HSPA4L: variants seen among roughly 807,000 people sequenced by gnomAD.
The protein encoded by HSPA4L is heat shock protein family A (Hsp70) member 4 like, also known as heat shock 70 kDa protein 4L.
A neutral mutation model predicts 100.3 loss-of-function variants in HSPA4L; 48 were observed. The ratio of observed to expected loss-of-function variants is 0.48; its 90% CI spans 0.38 to 0.61. The LOEUF (loss-of-function observed/expected upper bound fraction) is 0.61. HSPA4L is among the 20% of genes least tolerant of loss of function. The probability of loss-of-function intolerance (pLI) is 0.00; values close to 1 mark genes in which losing one functional copy is unlikely to be tolerated. For synonymous variants in HSPA4L, 319 were observed against 328.2 expected (o/e 0.97, Z 0.30); for missense variants, 886 against 988.6 (o/e 0.90, Z 1.39).
rs1197436415 is a variant in HSPA4L, at chr4:127,837,769, A to G, written c.*4895A>G. On this transcript the variant is annotated 3_prime_UTR_variant, in exon 19 of 19. Transcript: ENST00000296464. ...AAGAAACTTTAGCTGTTTAACTATCACCTCTCTAATTTAAAATGCATGAAA... is the reference window on the plus strand; with the variant it reads ...AAGAAACTTTAGCTGTTTAACTATCGCCTCTCTAATTTAAAATGCATGAAA... The G allele has an allele frequency of 6.6e-6, 1 of 151,592 alleles. No homozygotes were observed. The highest frequency in any genetic ancestry group is 2.4e-5 in the African/African-American group (1 of 41,240). The allele number at this position is 151,592 out of a possible 1,614,324, so 9.4% of individuals were successfully genotyped here. A position where few individuals can be genotyped will look rare whatever the true frequency, so the allele number is the denominator to read the frequency against.
intron 15 of HSPA4L, among the ~76,000 whole-genome samples, 160 bp downstream of exon 15, chr4:127,823,054 G>A (rs1402624872): frequency 1.3e-5 from 2 of 152,158 alleles, no homozygotes; most frequent in Non-Finnish European, 2.9e-5. Flanking sequence ...CAGAAGTATG[G>A]TGAAAAACAT....
At position 127,825,977 on chromosome 4, in the gene HSPA4L, C is replaced by T. The variant is rs567404358; in HGVS notation, c.2047-1328C>T. 4.0e-3 allele frequency among the ~76,000 whole-genome samples: 613 copies of T among 151,476 alleles called. 2 individuals carry two copies. Among genetic ancestry groups the T allele is most frequent in the South Asian group, 0.013 (64 of 4,784 alleles). ...GAAACATAAGCCAAGCAGCTGAGGC[C>T]AGTAGAAATAACTGGAAATCCCAGC... is the stretch of plus-strand genomic sequence containing the variant. On this transcript the variant is annotated intron_variant, in intron 16 of 18. Transcript: ENST00000296464.
chr4:127,831,581 A>G (rs1019155008), intron 18 of HSPA4L, among the ~76,000 whole-genome samples: 17 of 151,890 alleles, frequency 1.1e-4, no homozygotes, highest in Admixed American at 1.1e-3. Context: ...ATGCATCCAT[A>G]CAACACTATG....
At chr4:127,815,453 G>C (rs1007827492) in intron 12 of HSPA4L, among the ~76,000 whole-genome samples, 2 of 151,660 alleles carry the variant, frequency 1.3e-5, no homozygotes, top group South Asian at 4.2e-4. Flanking sequence ...CAGGACGCTG[G>C]GGCTGGAGTT....
At chr4:127,831,414 T>A (rs1454388217) in intron 18 of HSPA4L, among the ~76,000 whole-genome samples, 1 of 147,388 alleles carries the variant, frequency 6.8e-6, no homozygotes, top group East Asian at 2.0e-4. Flanking sequence ...GGCAGGAGGC[T>A]CCCTTGAGCC....
chr4:127,813,847 T>C (rs1733606029), intron 12 of HSPA4L, among the ~76,000 whole-genome samples: 1 of 152,188 alleles, frequency 6.6e-6, no homozygotes, highest in Non-Finnish European at 1.5e-5. Context: ...GGTTTCACTG[T>C]GTTAGCCGGG....
chr4:127,819,761 A>C (rs1173064469), intron 13 of HSPA4L, among the ~76,000 whole-genome samples: 1 of 152,200 alleles, frequency 6.6e-6, no homozygotes, highest in Non-Finnish European at 1.5e-5. Flanking sequence ...TTCACCAAAC[A>C]TAATGTTTTC....
chr4:127,831,501 T>TTAAA (rs1351311274), intron 18 of HSPA4L, among the ~76,000 whole-genome samples: 2 of 103,426 alleles, frequency 1.9e-5, no homozygotes, highest in East Asian at 2.6e-4. Context: ...CCTTGTCTAT[T>TTAAA]AAAAAAAAAA....
intron 16 of HSPA4L, among the ~76,000 whole-genome samples, chr4:127,826,964 A>G (rs1298916702): frequency 1.3e-5 from 2 of 152,178 alleles, no homozygotes; most frequent in African/African-American, 4.8e-5. Flanking sequence ...CAAATCTACA[A>G]ATTCTGCATG....
At chr4:127,825,014 C>A (rs1395708728) in intron 16 of HSPA4L, among the ~76,000 whole-genome samples, 1 of 151,902 alleles carries the variant, frequency 6.6e-6, no homozygotes, top group African/African-American at 2.4e-5. Flanking sequence ...GTGGCGGGCA[C>A]CTGTAGTCCC....
intron 12 of HSPA4L, among the ~76,000 whole-genome samples, chr4:127,814,788 A>T (rs1157469772): frequency 6.6e-6 from 1 of 152,052 alleles, no homozygotes; most frequent in African/African-American, 2.4e-5. Context: ...GCTGGTCTCA[A>T]ACTCCTGACC....
intron 11 of HSPA4L, among the ~76,000 whole-genome samples, 158 bp from the exon 12 acceptor site, chr4:127,811,279 G>A (rs1261654679): frequency 6.6e-6 from 1 of 151,630 alleles, no homozygotes. Context: ...GATAATCTGG[G>A]GGAAGTACCT....
At chr4:127,830,507 G>A (rs1734051272) in intron 17 of HSPA4L, 131 bp from the exon 18 acceptor site, 4 of 574,070 alleles carry the variant, frequency 7.0e-6, no homozygotes, top group Non-Finnish European at 1.2e-5. Flanking sequence ...ATTCGTATGG[G>A]GTTTCTTCAG....
intron 16 of HSPA4L, among the ~76,000 whole-genome samples, chr4:127,824,263 G>T (rs1560669883): frequency 6.6e-6 from 1 of 152,132 alleles, no homozygotes; most frequent in Non-Finnish European, 1.5e-5. Flanking sequence ...CTTAGATTGA[G>T]TCTCTATTTT....
Position 127,833,358 on chromosome 4 carries a change from A to T in HSPA4L, c.*484A>T, listed in dbSNP as rs1349961002. On this transcript the variant is annotated 3_prime_UTR_variant, in exon 19 of 19. Transcript: ENST00000296464. ...CTACAATTTAAATATTAAAACAAAT[A>T]AGAGCTTTCTCAACAAATTAGTCCA... 1 of 152,700 alleles carries T rather than the reference A, an allele frequency of 6.5e-6. No homozygotes were observed. Among genetic ancestry groups the T allele is most frequent in the Non-Finnish European group, 1.5e-5 (1 of 68,078 alleles). 9.5% of individuals were successfully genotyped at this position (152,700 alleles called of 1,614,324 possible).
intron 12 of HSPA4L, among the ~76,000 whole-genome samples, chr4:127,814,264 G>A (rs956594618): frequency 6.6e-6 from 1 of 152,088 alleles, no homozygotes; most frequent in African/African-American, 2.4e-5. Flanking sequence ...GGCAGTTGAG[G>A]TTCCCATACA....
At chr4:127,798,844 T>TA (rs1228300894) in intron 4 of HSPA4L, 135 bp downstream of exon 4, 13 of 760,060 alleles carry the variant, frequency 1.7e-5, no homozygotes, top group Admixed American at 6.4e-5. Flanking sequence ...ACTTTCTTTT[T>TA]AAAAAAACTG....
chr4:127,808,971 A>AT (rs1194545823), intron 11 of HSPA4L, among the ~76,000 whole-genome samples: 1 of 119,414 alleles, frequency 8.4e-6, no homozygotes, highest in Non-Finnish European at 1.8e-5. Context: ...TGTGATAATT[A>AT]TTTTTTACTG....
upstream of HSPA4L, chr4:127,782,180 C>G (rs868402266): frequency 2.4e-6 from 1 of 423,842 alleles, no homozygotes. Flanking sequence ...CTTGGGCAGC[C>G]GTTGCCCGAG....
Sources: gnomAD v4.1 joint callset for allele counts (sites outside exome capture counted in the v4.1 genomes callset) on GRCh38, gnomAD v4.1.1 for gene constraint, MANE v1.5 for transcripts, NCBI Gene and HGNC (gene_info 2026-07-23, HGNC 2026-07-21) for gene names.